Variants in SHANK2 observed in about 807,000 individuals in gnomAD.
SHANK2 encodes the protein SH3 and multiple ankyrin repeat domains protein 2.
SHANK2 carries 43 observed loss-of-function variants against 133.7 expected under a neutral mutation model. The ratio of observed to expected loss-of-function variants is 0.32; its 90% CI spans 0.25 to 0.41. The LOEUF (loss-of-function observed/expected upper bound fraction) is 0.41, where lower values mean the gene tolerates loss of function less well. Ranked by LOEUF, SHANK2 falls within the 10% of genes least tolerant of loss-of-function variation. The probability of loss-of-function intolerance (pLI) is 1.00; values close to 1 mark genes in which losing one functional copy is unlikely to be tolerated. For missense variants in SHANK2, 1,994 were observed against 2,235.8 expected (o/e 0.89, Z 2.18); for synonymous variants, 1,017 against 952.8 (o/e 1.07, Z -1.24).
chr11:70,646,855 T>G (rs911729309), intron 17 of SHANK2, among the ~76,000 whole-genome samples: 26 of 151,032 alleles, frequency 1.7e-4, no homozygotes, highest in Admixed American at 1.5e-3. Flanking sequence ...ATTTATTTAT[T>G]TATTTATTTA....
At chr11:71,151,689 C>T (rs1360679969) in intron 2 of SHANK2, among the ~76,000 whole-genome samples, 2 of 152,160 alleles carry the variant, frequency 1.3e-5, no homozygotes, top group Non-Finnish European at 2.9e-5. Flanking sequence ...AAACGGAGGG[C>T]GGGGGGAGCC....
At chr11:71,226,544 T>A (rs1954647539) in intron 1 of SHANK2, 1 of 152,118 alleles carries the variant, frequency 6.6e-6, no homozygotes, top group Non-Finnish European at 1.5e-5. Context: ...ATTGAAAACA[T>A]GCAGAGAAAC....
At chr11:71,082,468 T>C (rs1406254179) in intron 8 of SHANK2, among the ~76,000 whole-genome samples, 6 of 152,180 alleles carry the variant, frequency 3.9e-5, no homozygotes, top group Non-Finnish European at 7.3e-5. Flanking sequence ...CCACAACCCA[T>C]GTGGCTCCAT....
intron 14 of SHANK2, among the ~76,000 whole-genome samples, chr11:70,777,078 C>T (rs1483676447): frequency 1.3e-5 from 2 of 151,208 alleles, no homozygotes; most frequent in Non-Finnish European, 3.0e-5. Flanking sequence ...TTCACCCACT[C>T]ATTCACTCAC....
chr11:70,860,435 T>C (rs1384196538), intron 11 of SHANK2, among the ~76,000 whole-genome samples: 3 of 152,202 alleles, frequency 2.0e-5, no homozygotes, highest in Non-Finnish European at 4.4e-5. Context: ...GTGGAAATTG[T>C]CTGTGGAATG....
chr11:71,201,889 C>T (rs1954027416), intron 2 of SHANK2, among the ~76,000 whole-genome samples: 1 of 152,222 alleles, frequency 6.6e-6, no homozygotes, highest in South Asian at 2.1e-4. Flanking sequence ...CCTCCCGGAA[C>T]CTGCCCAGTG....
At chr11:70,684,334 A>G (rs1945098201) in intron 15 of SHANK2, among the ~76,000 whole-genome samples, 1 of 152,072 alleles carries the variant, frequency 6.6e-6, no homozygotes, top group Non-Finnish European at 1.5e-5. Flanking sequence ...AGGTGGGAGG[A>G]TTGCTTGAGG....
At position 71,084,169 on chromosome 11, in the gene SHANK2, C is replaced by A. The variant is rs916581677; in HGVS notation, c.912+8253G>T. 3.2e-4 allele frequency among the ~76,000 whole-genome samples: 49 copies of A among 152,222 alleles called. No individual in the cohort carries two copies. In the South Asian group the frequency reaches 1.0e-2, roughly 31 times the overall value. ...TGTATTTTTAGTAGAGATGGGGTTT[C>A]ACCGTGTTAGCCAGGATGGTCTCGA... On this transcript the variant is annotated intron_variant, in intron 8 of 25. Coordinates refer to ENST00000601538, the MANE Select transcript of SHANK2 (RefSeq NM_012309.5).
intron 1 of SHANK2, among the ~76,000 whole-genome samples, chr11:71,231,539 C>G (rs1954741704): frequency 6.6e-6 from 1 of 152,182 alleles, no homozygotes; most frequent in Non-Finnish European, 1.5e-5. Flanking sequence ...AAATATGTAA[C>G]TCCCATGTGA....
intron 11 of SHANK2, among the ~76,000 whole-genome samples, chr11:70,852,960 AG>A (rs1176263465): frequency 6.6e-6 from 1 of 152,208 alleles, no homozygotes; most frequent in Non-Finnish European, 1.5e-5. Flanking sequence ...AGCCAGAGGA[AG>A]GCAACGTTCC....
At chr11:71,195,732 A>G (rs1047512103) in intron 2 of SHANK2, among the ~76,000 whole-genome samples, 2 of 152,232 alleles carry the variant, frequency 1.3e-5, no homozygotes, top group African/African-American at 2.4e-5. Flanking sequence ...AAACTTAAAA[A>G]AAGTTTTTGA....
chr11:70,936,075 T>G (rs1950566775), intron 10 of SHANK2, among the ~76,000 whole-genome samples: 1 of 151,146 alleles, frequency 6.6e-6, no homozygotes, highest in African/African-American at 2.5e-5. Context: ...CTCAGCTGAC[T>G]GAGATTTCTC....
At chr11:71,202,664 G>C (rs1954040484) in intron 2 of SHANK2, among the ~76,000 whole-genome samples, 1 of 152,142 alleles carries the variant, frequency 6.6e-6, no homozygotes, top group African/African-American at 2.4e-5. Context: ...GTGACCTTTG[G>C]GAAGTCTCTG....
At chr11:70,586,913 C>T (rs2060261890) in intron 17 of SHANK2, among the ~76,000 whole-genome samples, 1 of 152,172 alleles carries the variant, frequency 6.6e-6, no homozygotes, top group Non-Finnish European at 1.5e-5. Flanking sequence ...GCAAAGTCTC[C>T]CTCTTCCCTC....
chr11:70,608,468 CT>C (rs1487335850), intron 17 of SHANK2, among the ~76,000 whole-genome samples: 1 of 152,170 alleles, frequency 6.6e-6, no homozygotes, highest in African/African-American at 2.4e-5. Flanking sequence ...GTCTGCACCT[CT>C]GAGTTCTGGG....
At chr11:70,771,759 G>A (rs1253061434) in intron 14 of SHANK2, among the ~76,000 whole-genome samples, 1 of 152,132 alleles carries the variant, frequency 6.6e-6, no homozygotes, top group African/African-American at 2.4e-5. Flanking sequence ...GGCCACACAC[G>A]GCCACTGATG....
intron 14 of SHANK2, among the ~76,000 whole-genome samples, chr11:70,764,063 AATCC>A (rs782452712): frequency 7.2e-4 from 92 of 127,080 alleles, no homozygotes; most frequent in African/African-American, 1.7e-3. Flanking sequence ...TATACCCACC[AATCC>A]ATCCATCCAT....
chr11:71,232,492 G>A (rs1954758622), intron 1 of SHANK2, among the ~76,000 whole-genome samples: 1 of 151,944 alleles, frequency 6.6e-6, no homozygotes, highest in South Asian at 2.1e-4. Flanking sequence ...TCCCACCTCT[G>A]CCGCCTCTGA....
At chr11:71,147,480 G>A (rs1952679005) in intron 2 of SHANK2, 142 bp from the exon 3 acceptor site, 4 of 559,244 alleles carry the variant, frequency 7.2e-6, no homozygotes, top group South Asian at 4.6e-5. Context: ...CCAGCCGAGG[G>A]CCCCAGGTAT....
Sources: allele counts gnomAD v4.1 joint callset (sites outside exome capture counted in the v4.1 genomes callset), GRCh38; gene constraint gnomAD v4.1.1; transcripts MANE v1.5; gene names NCBI Gene and HGNC (gene_info 2026-07-23, HGNC 2026-07-21).